Variants in ST8SIA2 observed in about 807,000 individuals in gnomAD.
The protein encoded by ST8SIA2 is ST8 alpha-N-acetyl-neuraminide alpha-2,8-sialyltransferase 2.
A neutral mutation model predicts 37.6 loss-of-function variants in ST8SIA2; 22 were observed. The observed-to-expected ratio is 0.58, with a 90% confidence interval of 0.42 to 0.83. The LOEUF (loss-of-function observed/expected upper bound fraction) is 0.83, where lower values mean the gene tolerates loss of function less well. ST8SIA2 is among the 40% of genes least tolerant of loss of function. ST8SIA2 has a pLI of 0.00. For missense variants in ST8SIA2, 382 were observed against 484.7 expected (o/e 0.79, Z 1.99); for synonymous variants, 205 against 201.2 (o/e 1.02, Z -0.16).
intron 5 of ST8SIA2, among the ~76,000 whole-genome samples, chr15:92,453,443 A>G (rs868590832): frequency 6.6e-6 from 1 of 152,246 alleles, no homozygotes; most frequent in South Asian, 2.1e-4. Context: ...AAAAAGTTTG[A>G]CATGGACAAA....
Position 92,440,927 on chromosome 15 carries a change from T to C in ST8SIA2, c.548+2317T>C, listed in dbSNP as rs186039197. 1.7e-3 allele frequency among the ~76,000 whole-genome samples: 262 copies of C among 152,300 alleles called. 9 individuals carry two copies. The East Asian group carries it at 0.046, about 27-fold the overall frequency. The stretch of plus-strand genomic sequence containing the variant: ...GTGTTAATTCCCCATGGACTCTGTC[T>C]CCACTCCACCCACCTCACCCCCAGG... On this transcript the variant is annotated intron_variant, in intron 4 of 5. Transcript: ENST00000268164.
At chr15:92,411,612 C>A (rs1693601990) in intron 1 of ST8SIA2, among the ~76,000 whole-genome samples, 1 of 152,108 alleles carries the variant, frequency 6.6e-6, no homozygotes, top group African/African-American at 2.4e-5. Context: ...TATTAAGCCA[C>A]CACTTACTGG....
chr15:92,427,322 C>T (rs2049684197), intron 1 of ST8SIA2, among the ~76,000 whole-genome samples: 1 of 150,416 alleles, frequency 6.6e-6, no homozygotes, highest in Non-Finnish European at 1.5e-5. Flanking sequence ...AGCTATACTC[C>T]ATGAGCACGG....
At chr15:92,439,494 G>T (rs900631762) in intron 4 of ST8SIA2, among the ~76,000 whole-genome samples, 1 of 152,158 alleles carries the variant, frequency 6.6e-6, no homozygotes. Flanking sequence ...CATTCCAGCC[G>T]GCTCCCCAGC....
chr15:92,397,710 G>A (rs570414572), intron 1 of ST8SIA2, among the ~76,000 whole-genome samples: 17 of 152,322 alleles, frequency 1.1e-4, no homozygotes, highest in African/African-American at 2.6e-4. Flanking sequence ...ATTGTGAGGC[G>A]TAGCTGTCTT....
chr15:92,409,276 G>T (rs554873158), intron 1 of ST8SIA2, among the ~76,000 whole-genome samples: 1 of 152,224 alleles, frequency 6.6e-6, no homozygotes, highest in Admixed American at 6.5e-5. Context: ...TAGGGAGGAG[G>T]GTTTTCAAAT....
At chr15:92,434,680 A>G (rs908617342) in intron 3 of ST8SIA2, among the ~76,000 whole-genome samples, 1 of 152,236 alleles carries the variant, frequency 6.6e-6, no homozygotes, top group African/African-American at 2.4e-5. Context: ...TGGAGGCCAC[A>G]GGTGGCTGCT....
chr15:92,421,205 T>G (rs560786104), intron 1 of ST8SIA2: 1 of 152,150 alleles, frequency 6.6e-6, no homozygotes, highest in Non-Finnish European at 1.5e-5. Flanking sequence ...ACAGTGGTAA[T>G]GGGCCGGCAG....
intron 1 of ST8SIA2, among the ~76,000 whole-genome samples, chr15:92,407,826 A>T (rs1010602576): frequency 6.6e-6 from 1 of 152,202 alleles, no homozygotes; most frequent in Non-Finnish European, 1.5e-5. Context: ...TTGGTATTCT[A>T]TCTATGGTAG....
chr15:92,419,968 C>T (rs571716378), intron 1 of ST8SIA2, among the ~76,000 whole-genome samples: 2 of 152,230 alleles, frequency 1.3e-5, no homozygotes, highest in African/African-American at 2.4e-5. Flanking sequence ...TGAGTTCAAG[C>T]GATTCTCCTG....
chr15:92,401,911 GAA>G (rs35704397), intron 1 of ST8SIA2, among the ~76,000 whole-genome samples: 46 of 140,586 alleles, frequency 3.3e-4, no homozygotes, highest in East Asian at 1.0e-3. Context: ...AAAGGAGCCA[GAA>G]AAAAAAAAAA....
chr15:92,451,219 G>A (rs555110213), intron 5 of ST8SIA2, among the ~76,000 whole-genome samples: 19 of 152,158 alleles, frequency 1.2e-4, no homozygotes, highest in Non-Finnish European at 2.5e-4. Flanking sequence ...GGTGCACCAG[G>A]TGCAGCAGAA....
intron 1 of ST8SIA2, among the ~76,000 whole-genome samples, chr15:92,415,083 C>T (rs1233862278): frequency 1.3e-5 from 2 of 152,158 alleles, no homozygotes; most frequent in Non-Finnish European, 2.9e-5. Context: ...GTTACCCTTC[C>T]AGAGGCCAGG....
intron 5 of ST8SIA2, among the ~76,000 whole-genome samples, chr15:92,452,797 T>C (rs1274971656): frequency 6.6e-6 from 1 of 152,120 alleles, no homozygotes; most frequent in African/African-American, 2.4e-5. Flanking sequence ...AACAACCTGA[T>C]AAGATAGATA....
chr15:92,423,684 CTT>C (rs564870897), intron 1 of ST8SIA2, among the ~76,000 whole-genome samples: 7 of 152,228 alleles, frequency 4.6e-5, no homozygotes, highest in Non-Finnish European at 8.8e-5. Flanking sequence ...CAAAAGTCCT[CTT>C]TATAGTGGCA....
chr15:92,444,599 T>A, intron 4 of ST8SIA2, 37 bp from the exon 5 acceptor site: 1 of 1,614,082 alleles, frequency 6.2e-7, no homozygotes, highest in Non-Finnish European at 8.5e-7. Context: ...GGGTCTCAGC[T>A]TTCCCAAAAG....
chr15:92,458,423 T>C (rs1280569646), intron 5 of ST8SIA2, among the ~76,000 whole-genome samples: 2 of 152,192 alleles, frequency 1.3e-5, no homozygotes. Flanking sequence ...TGTTGAGTGC[T>C]GCCGTCTCTG....
rs201009865 is a variant in ST8SIA2 at position 92,438,554 on chromosome 15, G to A, written c.492G>A (p.Gly164=). The change falls in exon 4 of 6, where the codon GGG becomes GGA. Residue 164 remains glycine, a synonymous_variant. Coordinates refer to ENST00000268164, the MANE Select transcript of ST8SIA2 (RefSeq NM_006011.4). The part of the protein sequence containing the change: ...FGTCAIVGNS[G]VLLNSGCGQE... ...CTTGTGCCATCGTGGGCAACTCGGGGGTCTTGCTGAACAGCGGCTGTGGGC... is the reference window on the plus strand; with the variant it reads ...CTTGTGCCATCGTGGGCAACTCGGGAGTCTTGCTGAACAGCGGCTGTGGGC... 1 of 1,613,934 alleles carries A rather than the reference G, an allele frequency of 6.2e-7. No homozygotes were observed. Among genetic ancestry groups the A allele is most frequent in the East Asian group, 2.2e-5 (1 of 44,872 alleles).
rs764117001 is a variant in ST8SIA2 at position 92,438,602 on chromosome 15, C to T, written c.540C>T (p.Phe180=). 2.9e-5 allele frequency: 47 copies of T among 1,606,644 alleles called. No homozygotes were observed. The highest frequency in any genetic ancestry group is 3.7e-5 in the Non-Finnish European group (44 of 1,175,718). Residue 180 remains phenylalanine (F), a synonymous_variant, in exon 4 of 6, where the codon TTC becomes TTT. Coordinates refer to ENST00000268164, the MANE Select transcript of ST8SIA2 (RefSeq NM_006011.4). The part of the protein sequence containing the change: ...GCGQEIDAHS[F]VIRCNLAPVQ... ...GGCAGGAGATTGACGCCCACAGCTTCGTCATCAGGTAACATGCCCCAGCAG... is the reference window on the plus strand; with the variant it reads ...GGCAGGAGATTGACGCCCACAGCTTTGTCATCAGGTAACATGCCCCAGCAG...
Sources: gnomAD v4.1 joint callset for allele counts (sites outside exome capture counted in the v4.1 genomes callset) on GRCh38, gnomAD v4.1.1 for gene constraint, MANE v1.5 for transcripts, NCBI Gene and HGNC (gene_info 2026-07-23, HGNC 2026-07-21) for gene names.